The following SLC39A11 variants were observed in gnomAD, a reference collection of about 807,000 sequenced individuals.
SLC39A11 encodes the protein solute carrier family 39 member 11, also known as zinc transporter ZIP11.
In SLC39A11, 33 loss-of-function variants were observed where a neutral mutation model predicts 36.1. The ratio of observed to expected loss-of-function variants is 0.91; its 90% CI spans 0.69 to 1.22. The LOEUF (loss-of-function observed/expected upper bound fraction) is 1.22. SLC39A11 is among the 50% of genes most tolerant of loss of function. SLC39A11 has a pLI of 0.00. For synonymous variants in SLC39A11, 166 were observed against 170.3 expected (o/e 0.97, Z 0.20); for missense variants, 432 against 430.3 (o/e 1.00, Z -0.03).
intron 6 of SLC39A11, among the ~76,000 whole-genome samples, chr17:72,763,805 C>T (rs1011847627): frequency 2.6e-5 from 4 of 152,112 alleles, no homozygotes; most frequent in African/African-American, 7.2e-5. Flanking sequence ...TTGAAGGAGC[C>T]AGAAAGGGCT....
intron 6 of SLC39A11, among the ~76,000 whole-genome samples, chr17:72,767,739 C>T (rs910115549): frequency 6.6e-6 from 1 of 152,174 alleles, no homozygotes; most frequent in African/African-American, 2.4e-5. Context: ...ATGCTTAGCA[C>T]ACAACAGGAT....
At chr17:72,809,014 T>G (rs932254740) in intron 6 of SLC39A11, among the ~76,000 whole-genome samples, 1 of 152,208 alleles carries the variant, frequency 6.6e-6, no homozygotes. Flanking sequence ...TGAAACAACA[T>G]TATCTCAGTG....
At chr17:72,912,765 G>A (rs2083093765) in intron 5 of SLC39A11, among the ~76,000 whole-genome samples, 1 of 152,150 alleles carries the variant, frequency 6.6e-6, no homozygotes, top group Non-Finnish European at 1.5e-5. Flanking sequence ...CATGGAGAAG[G>A]CAGAAGATGG....
At chr17:73,050,024 G>A (rs917718140) in intron 3 of SLC39A11, among the ~76,000 whole-genome samples, 1 of 152,166 alleles carries the variant, frequency 6.6e-6, no homozygotes, top group African/African-American at 2.4e-5. Flanking sequence ...AGGAGGCTGA[G>A]GCACGAGAAT....
At chr17:72,935,901 G>C (rs1285247121) in intron 5 of SLC39A11, among the ~76,000 whole-genome samples, 3 of 151,418 alleles carry the variant, frequency 2.0e-5, no homozygotes, top group Non-Finnish European at 4.4e-5. Flanking sequence ...AGCAATTCTT[G>C]AAATGGCCAT....
At chr17:72,891,486 C>A (rs1268308034) in intron 5 of SLC39A11, among the ~76,000 whole-genome samples, 1 of 152,106 alleles carries the variant, frequency 6.6e-6, no homozygotes, top group African/African-American at 2.4e-5. Flanking sequence ...GCTGCCTTTC[C>A]AATCTCCCAC....
chr17:72,801,428 G>C (rs1249977789), intron 6 of SLC39A11, among the ~76,000 whole-genome samples: 1 of 152,086 alleles, frequency 6.6e-6, no homozygotes, highest in African/African-American at 2.4e-5. Context: ...GGTTTCACCA[G>C]GTTGGCCAGG....
At chr17:72,836,020 T>C (rs1160340331) in intron 6 of SLC39A11, among the ~76,000 whole-genome samples, 2 of 152,122 alleles carry the variant, frequency 1.3e-5, no homozygotes, top group Non-Finnish European at 2.9e-5. Flanking sequence ...AGGCATTCAT[T>C]TTACACATCT....
intron 7 of SLC39A11, among the ~76,000 whole-genome samples, chr17:72,678,923 T>C (rs1249563721): frequency 6.6e-6 from 1 of 152,120 alleles, no homozygotes; most frequent in Non-Finnish European, 1.5e-5. Flanking sequence ...ATTTACACAA[T>C]GGAATACTAT....
chr17:72,805,619 A>G (rs2077223948), intron 6 of SLC39A11, among the ~76,000 whole-genome samples: 1 of 152,178 alleles, frequency 6.6e-6, no homozygotes, highest in Non-Finnish European at 1.5e-5. Context: ...CCTTCCGTCC[A>G]TGGGCTTGGA....
At chr17:73,007,075 G>C (rs2090228912) in intron 4 of SLC39A11, among the ~76,000 whole-genome samples, 1 of 152,230 alleles carries the variant, frequency 6.6e-6, no homozygotes, top group Non-Finnish European at 1.5e-5. Flanking sequence ...GACATGGGCA[G>C]CTAAGCAACC....
At chr17:72,888,794 T>G (rs563430117) in intron 5 of SLC39A11, among the ~76,000 whole-genome samples, 141 of 152,134 alleles carry the variant, frequency 9.3e-4, no homozygotes, top group Non-Finnish European at 1.5e-3. Flanking sequence ...CTCAGCTACT[T>G]GGGAGGCTGA....
At chr17:72,877,584 AG>A (rs2080974671) in intron 5 of SLC39A11, among the ~76,000 whole-genome samples, 3 of 152,172 alleles carry the variant, frequency 2.0e-5, no homozygotes, top group Non-Finnish European at 4.4e-5. Flanking sequence ...TCAAGGTGGA[AG>A]AAAAATCTGA....
chr17:72,720,415 G>A (rs2073612432), intron 7 of SLC39A11, among the ~76,000 whole-genome samples: 8 of 151,998 alleles, frequency 5.3e-5, no homozygotes, highest in Admixed American at 5.2e-4. Flanking sequence ...CGAGTAGCCA[G>A]GCACACTCAG....
intron 7 of SLC39A11, among the ~76,000 whole-genome samples, chr17:72,734,210 G>A (rs930633620): frequency 6.6e-6 from 1 of 152,118 alleles, no homozygotes; most frequent in African/African-American, 2.4e-5. Flanking sequence ...TCTACATCTT[G>A]CCACCCAAGA....
intron 7 of SLC39A11, among the ~76,000 whole-genome samples, chr17:72,719,659 G>A (rs542566865): frequency 6.6e-6 from 1 of 152,222 alleles, no homozygotes; most frequent in Admixed American, 6.5e-5. Context: ...CAGTGCCCGG[G>A]AAAGCCGCAA....
chr17:73,035,585 T>A (rs1357853672), intron 3 of SLC39A11, among the ~76,000 whole-genome samples: 3 of 152,006 alleles, frequency 2.0e-5, no homozygotes, highest in Admixed American at 2.0e-4. Flanking sequence ...GATACTGGCT[T>A]ATTTGAGTGG....
At chr17:72,953,670 C>T (rs2086031500) in intron 4 of SLC39A11, among the ~76,000 whole-genome samples, 2 of 152,226 alleles carry the variant, frequency 1.3e-5, no homozygotes, top group Admixed American at 1.3e-4. Context: ...CTACAAAGCA[C>T]GTTGGGTGTC....
chr17:72,756,613 C>T (rs2075370112), intron 6 of SLC39A11, among the ~76,000 whole-genome samples: 1 of 152,082 alleles, frequency 6.6e-6, no homozygotes, highest in African/African-American at 2.4e-5. Flanking sequence ...ATGGTGGTGG[C>T]CAGAAGCTGG....
Sources: gnomAD v4.1 joint callset for allele counts (sites outside exome capture counted in the v4.1 genomes callset) on GRCh38, gnomAD v4.1.1 for gene constraint, MANE v1.5 for transcripts, NCBI Gene and HGNC (gene_info 2026-07-23, HGNC 2026-07-21) for gene names.